DHTKD1: variants seen among roughly 807,000 people sequenced by gnomAD.
DHTKD1 encodes the protein 2-oxoadipate dehydrogenase complex component E1.
Under a neutral mutation model 101.8 loss-of-function variants are expected in DHTKD1, and 78 were observed. The ratio of observed to expected loss-of-function variants is 0.77; its 90% CI spans 0.64 to 0.93. DHTKD1 has a LOEUF of 0.93. DHTKD1 is among the 40% of genes least tolerant of loss of function. The pLI, the probability that DHTKD1 is intolerant of heterozygous loss-of-function variation, is 0.00. For missense variants in DHTKD1, 1,223 were observed against 1,161.7 expected (o/e 1.05, Z -0.77); for synonymous variants, 462 against 450.3 (o/e 1.03, Z -0.33).
At chr10:12,090,832 A>G (rs889856074) in intron 5 of DHTKD1, among the ~76,000 whole-genome samples, 3 of 152,114 alleles carry the variant, frequency 2.0e-5, no homozygotes, top group African/African-American at 7.2e-5. Context: ...TTAGCCAGAC[A>G]TTCTGTTTAC....
intron 1 of DHTKD1, 108 bp downstream of exon 1, chr10:12,069,295 C>A (rs1161119992): frequency 1.2e-5 from 6 of 486,578 alleles, no homozygotes; most frequent in Non-Finnish European, 1.9e-5. Context: ...CCGGCCTGAA[C>A]GCGCGGCCGG....
chr10:12,069,264 TCGG>T, intron 1 of DHTKD1, 77 bp downstream of exon 1: 3 of 1,014,036 alleles, frequency 3.0e-6, no homozygotes, highest in East Asian at 6.9e-5. Flanking sequence ...CGGTGGGGTG[TCGG>T]GGTCGGGGAA....
At chr10:12,112,767 T>G (rs1362097512) in intron 12 of DHTKD1, 133 bp from the exon 13 acceptor site, 1 of 852,926 alleles carries the variant, frequency 1.2e-6, no homozygotes, top group Non-Finnish European at 1.8e-6. Context: ...GCTGATATTT[T>G]TCTGTAATGT....
At chr10:12,084,048 G>A (rs974567160) in intron 2 of DHTKD1, among the ~76,000 whole-genome samples, 2 of 151,828 alleles carry the variant, frequency 1.3e-5, no homozygotes, top group African/African-American at 2.4e-5. Flanking sequence ...TCAGCCTCTC[G>A]AGTAGCTGGG....
At chr10:12,120,149 C>G (rs1474639069) in intron 15 of DHTKD1, 33 bp from the exon 16 acceptor site, 2 of 1,553,520 alleles carry the variant, frequency 1.3e-6, no homozygotes, top group African/African-American at 1.4e-5. Context: ...CATGTGTCTA[C>G]TTGAGGTGCT....
intron 12 of DHTKD1, among the ~76,000 whole-genome samples, chr10:12,108,728 T>C (rs1434219030): frequency 6.6e-6 from 1 of 152,228 alleles, no homozygotes; most frequent in Non-Finnish European, 1.5e-5. Context: ...AAGAATTTAC[T>C]GTGAATACTC....
Position 12,123,119 on chromosome 10 carries a change from T to C in DHTKD1, c.*2231T>C, listed in dbSNP as rs796826711. 18 of 152,208 alleles carry C rather than the reference T, an allele frequency of 1.2e-4. No homozygotes were observed. Among genetic ancestry groups the C allele is most frequent in the African/African-American group, 4.1e-4 (17 of 41,444 alleles). 9.4% of individuals were successfully genotyped at this position (152,208 alleles called of 1,614,324 possible). A position where few individuals can be genotyped will look rare whatever the true frequency, so the allele number is the denominator to read the frequency against. ...AAATCATGTAATTTAGTGCCACTCA[T>C]GTAAATCAGTAAAATCACAAAGGTC... On this transcript the variant is annotated 3_prime_UTR_variant, in exon 17 of 17. Transcript: ENST00000263035.
intron 1 of DHTKD1, among the ~76,000 whole-genome samples, chr10:12,074,849 A>T (rs1424193054): frequency 2.0e-5 from 3 of 152,096 alleles, no homozygotes; most frequent in African/African-American, 7.2e-5. Context: ...CCCCATTCCC[A>T]TTGCAAACCA....
chr10:12,088,505 T>C (rs1411304609), intron 4 of DHTKD1, among the ~76,000 whole-genome samples: 1 of 152,002 alleles, frequency 6.6e-6, no homozygotes, highest in Admixed American at 6.6e-5. Flanking sequence ...ACTAAGCATA[T>C]GAGCAGTTGG....
intron 10 of DHTKD1, among the ~76,000 whole-genome samples, chr10:12,101,541 A>G (rs1394360378): frequency 6.6e-6 from 1 of 152,224 alleles, no homozygotes; most frequent in East Asian, 1.9e-4. Flanking sequence ...AAAATCGCAC[A>G]TCCTCAAGGT....
At chr10:12,080,294 C>T (rs1460702506) in intron 1 of DHTKD1, among the ~76,000 whole-genome samples, 21 of 88,522 alleles carry the variant, frequency 2.4e-4, no homozygotes, top group African/African-American at 8.3e-4. Context: ...AGCAAGACTC[C>T]GTCTCAAAAA....
chr10:12,074,153 C>T (rs1199570058), intron 1 of DHTKD1, among the ~76,000 whole-genome samples: 1 of 151,014 alleles, frequency 6.6e-6, no homozygotes, highest in Non-Finnish European at 1.5e-5. Context: ...TTCATTTCTG[C>T]AGTAATAGAA....
intron 13 of DHTKD1, among the ~76,000 whole-genome samples, chr10:12,115,066 A>G (rs1402143940): frequency 6.7e-6 from 1 of 148,634 alleles, no homozygotes; most frequent in Non-Finnish European, 1.5e-5. Flanking sequence ...AAGTGCTGGG[A>G]TTACAGGCAT....
chr10:12,071,779 C>T (rs980748219), intron 1 of DHTKD1, among the ~76,000 whole-genome samples: 8 of 152,140 alleles, frequency 5.3e-5, no homozygotes, highest in African/African-American at 1.4e-4. Context: ...ATGCTTGCCT[C>T]GGCCCCCTAA....
rs1833314123 is a variant in DHTKD1, at chr10:12,110,483, A to G, written c.2155-2417A>G. ...TCGGACACCCCTGATTCCTGATTCTAGAGAAAGGAAAGTGTATTTATTTAA... is the reference window on the plus strand; with the variant it reads ...TCGGACACCCCTGATTCCTGATTCTGGAGAAAGGAAAGTGTATTTATTTAA... On this transcript the variant is annotated intron_variant, in intron 12 of 16. Coordinates refer to ENST00000263035, the MANE Select transcript of DHTKD1 (RefSeq NM_018706.7). This position sits in a 1 kb window ranked among gnomAD's most constrained non-coding sequence, Gnocchi z 4.9. Among the ~76,000 whole-genome samples the G allele has an allele frequency of 6.6e-6, 1 of 152,074 alleles. No individual in the cohort carries two copies. The highest frequency in any genetic ancestry group is 2.4e-5 in the African/African-American group (1 of 41,416).
At chr10:12,073,579 C>T (rs147209642) in intron 1 of DHTKD1, among the ~76,000 whole-genome samples, 1 of 152,304 alleles carries the variant, frequency 6.6e-6, no homozygotes, top group African/African-American at 2.4e-5. Flanking sequence ...CTCCGGAGCT[C>T]AAGCCATCTG....
intron 5 of DHTKD1, 87 bp downstream of exon 5, chr10:12,089,342 C>T: frequency 7.9e-7 from 1 of 1,268,842 alleles, no homozygotes; most frequent in Admixed American, 2.1e-5. Flanking sequence ...ACATGGCAGA[C>T]ATTCATGATG....
Position 12,087,567 on chromosome 10 carries a change from G to A in DHTKD1, c.555G>A (p.Ser185=), listed in dbSNP as rs1157871671. ...EFDHFLATKF[S]TVKRYGGEGA... ...ACCACTTTCTGGCCACCAAGTTCTC[G>A]ACAGTGAAGCGATATGGAGGCGAAG... Residue 185 remains serine, a synonymous_variant, in exon 4 of 17, where the codon TCG becomes TCA. Transcript: ENST00000263035. This position sits in a 1 kb window ranked among gnomAD's most constrained non-coding sequence, Gnocchi z 5.2. 7.5e-6 allele frequency: 12 copies of A among 1,609,256 alleles called. No homozygotes were observed. The highest frequency in any genetic ancestry group is 4.0e-5 in the African/African-American group (3 of 74,702).
chr10:12,072,669 AATTT>A (rs1832669196), intron 1 of DHTKD1, among the ~76,000 whole-genome samples: 3 of 151,450 alleles, frequency 2.0e-5, no homozygotes, highest in African/African-American at 4.9e-5. Flanking sequence ...AGGAAACTTG[AATTT>A]ATTTATCAAC....
Sources: allele counts gnomAD v4.1 joint callset (sites outside exome capture counted in the v4.1 genomes callset), GRCh38; gene constraint gnomAD v4.1.1; non-coding constraint Gnocchi (gnomAD v3.1); transcripts MANE v1.5; gene names NCBI Gene and HGNC (gene_info 2026-07-23, HGNC 2026-07-21).